Variants in UBAP2 observed in about 807,000 individuals in gnomAD.
UBAP2 encodes ubiquitin-associated protein 2.
In UBAP2, 75 loss-of-function variants were observed where a neutral mutation model predicts 139.6. The ratio of observed to expected loss-of-function variants is 0.54; its 90% confidence interval spans 0.45 to 0.65. The LOEUF (loss-of-function observed/expected upper bound fraction) is 0.65, where lower values mean the gene tolerates loss of function less well. UBAP2 is among the 30% of genes least tolerant of loss of function. UBAP2 has a pLI of 0.00. For synonymous variants in UBAP2, 526 were observed against 526.2 expected (o/e 1.00, Z 0.01); for missense variants, 1,368 against 1,369.6 (o/e 1.00, Z 0.02).
chr9:33,992,388 T>TG lies in UBAP2; in HGVS notation c.289-3263_289-3262insC, dbSNP rs1564051827. Among the ~76,000 whole-genome samples, 11 of 10,350 alleles carry TG rather than the reference T, an allele frequency of 1.1e-3. No homozygotes were observed. The East Asian group carries it at 0.031, about 29-fold the overall frequency. 6.8% of individuals were successfully genotyped at this position (10,350 alleles called of 152,430 possible). A position where few individuals can be genotyped will look rare whatever the true frequency, so the allele number is the denominator to read the frequency against. ...TGGTCAACAAGAGCAAAACTCCATC[T>TG]CAAAAAAAAAAAAAAAAAAAAATTA... On this transcript the variant is annotated intron_variant, in intron 4 of 28. Transcript: ENST00000379238.
rs767002926 is a variant in UBAP2 at position 33,927,798 on chromosome 9, T to C, written c.2370A>G (p.Ser790=). Residue 790 remains serine (S), a splice_region_variant and synonymous_variant, in exon 20 of 29, where the codon TCA becomes TCG. Transcript: ENST00000379238. The part of the protein sequence containing the change: ...SSSRAAPLVT[S]GKAPPNLPQG... ...AGGAAAGGCCTCTGGAGCAAATACC[T>C]GAGGTCACCAAGGGCGCGGCCCTGC... 71 of 1,608,322 alleles carry C rather than the reference T, an allele frequency of 4.4e-5. No individual in the cohort carries two copies. Among genetic ancestry groups the C allele is most frequent in the Non-Finnish European group, 6.0e-5 (71 of 1,177,742 alleles).
At chr9:33,973,411 C>A (rs564518425) in intron 6 of UBAP2, among the ~76,000 whole-genome samples, 174 bp from the exon 7 acceptor site, 1 of 152,170 alleles carries the variant, frequency 6.6e-6, no homozygotes, top group Admixed American at 6.5e-5. Context: ...ACTACCTATA[C>A]CCAGTTAGTG....
chr9:34,034,166 T>A (rs112984958), intron 1 of UBAP2, among the ~76,000 whole-genome samples: 8 of 152,222 alleles, frequency 5.3e-5, no homozygotes, highest in African/African-American at 1.9e-4. Context: ...AAGTGATTTA[T>A]AAAAGTTCAA....
Position 33,921,742 on chromosome 9 carries a change from G to C in UBAP2, c.*762C>G, listed in dbSNP as rs1049460984. ...GGGGATTGGGCAAGAGAAAACCCCT[G>C]AAACAGTTGCCCACGTGGTTCAAGA... On this transcript the variant is annotated 3_prime_UTR_variant, in exon 29 of 29. Transcript: ENST00000379238. 1 of 152,630 alleles carries C rather than the reference G, an allele frequency of 6.6e-6. No homozygotes were observed. The allele number at this position is 152,630 out of a possible 1,614,324, so 9.5% of individuals were successfully genotyped here.
intron 6 of UBAP2, among the ~76,000 whole-genome samples, chr9:33,981,800 A>G (rs370804398): frequency 0.09 from 11,176 of 123,558 alleles, 522 homozygotes; most frequent in African/African-American, 0.15. Flanking sequence ...GGAAGGAAGG[A>G]AGGAAGGGTG....
At chr9:33,968,484 T>A (rs1054117680) in intron 8 of UBAP2, 17 of 541,772 alleles carry the variant, frequency 3.1e-5, no homozygotes, top group African/African-American at 2.9e-4. Context: ...TTGGGACATT[T>A]GAGCACTAAT....
At chr9:34,037,380 T>A (rs1452561018) in intron 1 of UBAP2, among the ~76,000 whole-genome samples, 1 of 152,044 alleles carries the variant, frequency 6.6e-6, no homozygotes, top group East Asian at 1.9e-4. Context: ...AGTGATCCAC[T>A]TGCCTTGGTC....
At chr9:33,957,503 A>T (rs189062583) in intron 10 of UBAP2, among the ~76,000 whole-genome samples, 3 of 152,324 alleles carry the variant, frequency 2.0e-5, no homozygotes, top group Admixed American at 1.3e-4. Flanking sequence ...TGAAATCATA[A>T]AAGTATCCAA....
intron 2 of UBAP2, among the ~76,000 whole-genome samples, chr9:34,016,080 T>C (rs190579170): frequency 1.7e-3 from 250 of 150,938 alleles, no homozygotes; most frequent in Admixed American, 3.5e-3. Context: ...CTTAAATTAA[T>C]AGAAGGGAGA....
At chr9:34,004,012 G>C (rs563810328) in intron 2 of UBAP2, among the ~76,000 whole-genome samples, 1 of 152,076 alleles carries the variant, frequency 6.6e-6, no homozygotes, top group Admixed American at 6.6e-5. Flanking sequence ...GAGCCACCAC[G>C]CCCAGCCCCA....
chr9:33,926,709 C>T, intron 21 of UBAP2, 45 bp from the exon 22 acceptor site: 1 of 1,606,608 alleles, frequency 6.2e-7, no homozygotes, highest in Non-Finnish European at 8.5e-7. Flanking sequence ...ACATACCACA[C>T]CCTGGGAAGC....
intron 1 of UBAP2, among the ~76,000 whole-genome samples, chr9:34,040,446 C>G (rs570032734): frequency 1.3e-5 from 2 of 151,948 alleles, no homozygotes; most frequent in African/African-American, 4.8e-5. Flanking sequence ...TATGAATGGT[C>G]TCCATGCTCT....
intron 10 of UBAP2, among the ~76,000 whole-genome samples, chr9:33,957,178 T>C (rs957645832): frequency 2.6e-5 from 4 of 152,190 alleles, no homozygotes; most frequent in African/African-American, 9.7e-5. Flanking sequence ...CTTTAGTACT[T>C]AATTGATCAG....
intron 16 of UBAP2, among the ~76,000 whole-genome samples, chr9:33,940,213 A>C (rs532852640): frequency 1.3e-5 from 2 of 152,234 alleles, no homozygotes; most frequent in Admixed American, 6.5e-5. Flanking sequence ...GGCTCTAGAA[A>C]GGCTTCTTCC....
chr9:33,940,054 G>A (rs918221169), intron 16 of UBAP2, among the ~76,000 whole-genome samples: 1 of 147,436 alleles, frequency 6.8e-6, no homozygotes, highest in Non-Finnish European at 1.5e-5. Context: ...GGGAGAGGGA[G>A]AGGGGAAAGA....
intron 6 of UBAP2, among the ~76,000 whole-genome samples, chr9:33,982,548 T>C (rs1458834705): frequency 3.3e-5 from 5 of 152,236 alleles, no homozygotes; most frequent in African/African-American, 7.2e-5. Context: ...GACTATGTTT[T>C]TGATTGTTTG....
chr9:33,956,317 ATT>A (rs55858327), intron 10 of UBAP2, among the ~76,000 whole-genome samples, 171 bp from the exon 11 acceptor site: 24,843 of 134,148 alleles, frequency 0.19, 2,313 homozygotes, highest in Middle Eastern at 0.26. Flanking sequence ...AGTGAATGCA[ATT>A]TTTTTTTTTT....
At chr9:34,004,657 A>T (rs906765738) in intron 2 of UBAP2, among the ~76,000 whole-genome samples, 1 of 150,732 alleles carries the variant, frequency 6.6e-6, no homozygotes, top group African/African-American at 2.4e-5. Context: ...GGTGGCGGGC[A>T]CCTGTAGTCC....
intron 2 of UBAP2, among the ~76,000 whole-genome samples, chr9:34,006,767 A>T (rs1028628629): frequency 5.3e-5 from 8 of 152,200 alleles, no homozygotes; most frequent in Non-Finnish European, 1.0e-4. Flanking sequence ...TAAAAGGTAT[A>T]AATTGTGAAC....
Sources: allele counts gnomAD v4.1 joint callset (sites outside exome capture counted in the v4.1 genomes callset), GRCh38; gene constraint gnomAD v4.1.1; transcripts MANE v1.5; gene names NCBI Gene and HGNC (gene_info 2026-07-23, HGNC 2026-07-21).